The following TTC3 variants were observed in gnomAD, a reference collection of about 807,000 sequenced individuals.
TTC3 encodes the protein E3 ubiquitin-protein ligase TTC3.
TTC3 carries 180 observed loss-of-function variants against 249.6 expected under a neutral mutation model. That is an observed-to-expected ratio of 0.72 (90% confidence interval 0.64 to 0.82). The LOEUF is 0.82. TTC3 is among the 40% of genes least tolerant of loss of function. The pLI, the probability that TTC3 is intolerant of heterozygous loss-of-function variation, is 0.00. For synonymous variants in TTC3, 717 were observed against 805.0 expected, an observed-to-expected ratio of 0.89 and a Z score of 1.85; for missense variants, 2,061 against 2,398.4, an observed-to-expected ratio of 0.86 and a Z score of 2.94.
chr21:37,118,216 CCTTA>C (rs2076315761), intron 11 of TTC3, among the ~76,000 whole-genome samples: 1 of 151,854 alleles, frequency 6.6e-6, no homozygotes, highest in South Asian at 2.1e-4. Flanking sequence ...TATAAGATTG[CCTTA>C]CTTTAGAATT....
intron 28 of TTC3, among the ~76,000 whole-genome samples, chr21:37,159,025 C>G (rs2080409671): frequency 6.6e-6 from 1 of 152,138 alleles, no homozygotes; most frequent in South Asian, 2.1e-4. Context: ...GTTAACTATT[C>G]AATTTGGGAA....
intron 10 of TTC3, among the ~76,000 whole-genome samples, chr21:37,106,523 T>C (rs2075091386): frequency 1.3e-5 from 2 of 152,228 alleles, no homozygotes; most frequent in South Asian, 2.1e-4. Flanking sequence ...GTTTAATTGT[T>C]CAACTTTGAT....
At chr21:37,113,961 G>A (rs2075900427) in intron 11 of TTC3, among the ~76,000 whole-genome samples, 1 of 152,164 alleles carries the variant, frequency 6.6e-6, no homozygotes, top group Non-Finnish European at 1.5e-5. Context: ...TTAATAAATG[G>A]TGCTGGGAAA....
chr21:37,188,586 TGATTAGCCGGTATTGCAG>T lies in TTC3; in HGVS notation c.5016_5024+9del. The T allele has an allele frequency of 6.2e-7, 1 of 1,613,942 alleles. No homozygotes were observed. Among genetic ancestry groups the T allele is most frequent in the South Asian group, 1.1e-5 (1 of 91,070 alleles). ...GAAGCCTTTCTGAAGAAGCTGGGGC[TGATTAGCCGGTATTGCAG>T]TTTCGTGGGTGTTCTCAGCACGTCA... On this transcript the variant is annotated splice_donor_variant and splice_donor_5th_base_variant and coding_sequence_variant and intron_variant, in exon 39 of 46. Transcript: ENST00000355666. LOFTEE classifies it high-confidence loss of function.
chr21:37,143,041 A>G (rs1347377986), intron 20 of TTC3, among the ~76,000 whole-genome samples: 1 of 152,252 alleles, frequency 6.6e-6, no homozygotes, highest in Non-Finnish European at 1.5e-5. Context: ...CTGGCTAGCC[A>G]TATGTAGAAA....
At chr21:37,129,696 C>A (rs867866704) in intron 16 of TTC3, among the ~76,000 whole-genome samples, 6 of 152,166 alleles carry the variant, frequency 3.9e-5, no homozygotes, top group Middle Eastern at 3.4e-3. Flanking sequence ...AGTGGTGTAA[C>A]CCTAGCTCAC....
chr21:37,145,620 C>T (rs1172678682), intron 21 of TTC3, among the ~76,000 whole-genome samples: 2 of 152,198 alleles, frequency 1.3e-5, no homozygotes, highest in African/African-American at 4.8e-5. Flanking sequence ...ATTTGTGTTG[C>T]TATAAAGAAG....
At chr21:37,167,493 A>G in intron 33 of TTC3, 62 bp from the exon 34 acceptor site, 1 of 1,309,614 alleles carries the variant, frequency 7.6e-7, no homozygotes, top group Non-Finnish European at 1.1e-6. Flanking sequence ...TTACTACTTG[A>G]TGGGCTTATT....
intron 39 of TTC3, 56 bp from the exon 40 acceptor site, chr21:37,191,278 G>T (rs142502569): frequency 3.7e-5 from 45 of 1,219,280 alleles, no homozygotes; most frequent in Non-Finnish European, 4.7e-5. Context: ...TTATTTGACC[G>T]TAAGTGCTTT....
chr21:37,176,556 C>T (rs2082300073), intron 35 of TTC3, among the ~76,000 whole-genome samples: 1 of 152,164 alleles, frequency 6.6e-6, no homozygotes, highest in African/African-American at 2.4e-5. Flanking sequence ...CTTCCTCAGC[C>T]CACACTGGTG....
intron 1 of TTC3, among the ~76,000 whole-genome samples, chr21:37,079,951 C>T (rs759129744): frequency 6.6e-5 from 10 of 152,006 alleles, no homozygotes; most frequent in Non-Finnish European, 1.3e-4. Context: ...AAAGTTTGTC[C>T]ATTTTTAAAA....
chr21:37,073,669 G>A (rs1337374099), intron 1 of TTC3, among the ~76,000 whole-genome samples, 196 bp downstream of exon 1: 1 of 152,094 alleles, frequency 6.6e-6, no homozygotes. Flanking sequence ...CCCTTTGTGC[G>A]CAACCCCCCG....
At position 37,135,257 on chromosome 21, in the gene TTC3, G is replaced by C. The variant is rs571521127; in HGVS notation, c.1444-123G>C. 19 of 1,055,628 alleles carry C rather than the reference G, an allele frequency of 1.8e-5. No homozygotes were observed. The South Asian group carries it at 3.1e-4, about 17-fold the overall frequency. 65.4% of individuals were successfully genotyped at this position (1,055,628 alleles called of 1,614,324 possible). On this transcript the variant is annotated intron_variant, in intron 17 of 45. Transcript: ENST00000355666. ...GAAAGGAATATGATGAATAAGGGTAGTTTGGGTATTGATGTAAACATTTTA... is the reference window on the plus strand; with the variant it reads ...GAAAGGAATATGATGAATAAGGGTACTTTGGGTATTGATGTAAACATTTTA...
chr21:37,141,712 T>A (rs1010285975), intron 20 of TTC3, among the ~76,000 whole-genome samples: 7 of 152,154 alleles, frequency 4.6e-5, no homozygotes, highest in Non-Finnish European at 7.3e-5. Context: ...GAGGTTGCAG[T>A]GAGCTGAGAT....
At chr21:37,125,677 G>T (rs1441792209) in intron 14 of TTC3, among the ~76,000 whole-genome samples, 1 of 150,764 alleles carries the variant, frequency 6.6e-6, no homozygotes, top group Non-Finnish European at 1.5e-5. Context: ...TTCTTTTTTG[G>T]CTTACCCTTT....
intron 1 of TTC3, among the ~76,000 whole-genome samples, chr21:37,078,972 G>A (rs182700505): frequency 6.6e-6 from 1 of 152,214 alleles, no homozygotes; most frequent in African/African-American, 2.4e-5. Flanking sequence ...ATTAAGTTAG[G>A]GAAGTCTTTT....
chr21:37,185,832 C>A, intron 37 of TTC3, 58 bp downstream of exon 37: 1 of 1,014,780 alleles, frequency 9.9e-7, no homozygotes, highest in Non-Finnish European at 1.4e-6. Flanking sequence ...GCCAGGAGTA[C>A]AAGCACAGTA....
chr21:37,179,627 A>G (rs1331035260), intron 35 of TTC3, among the ~76,000 whole-genome samples: 1 of 152,066 alleles, frequency 6.6e-6, no homozygotes, highest in African/African-American at 2.4e-5. Flanking sequence ...TCTTTTATGC[A>G]TATTTTCTCT....
exon 36 of TTC3, chr21:37,182,873 C>A: frequency 6.3e-7 from 1 of 1,582,650 alleles, no homozygotes; most frequent in Non-Finnish European, 8.5e-7. Context: ...ACTAAAATCA[C>A]TGAAGAAGAA....
Sources: gnomAD v4.1 joint callset for allele counts (sites outside exome capture counted in the v4.1 genomes callset) on GRCh38, gnomAD v4.1.1 for gene constraint, MANE v1.5 for transcripts, NCBI Gene and HGNC (gene_info 2026-07-23, HGNC 2026-07-21) for gene names.